The following NPHP1 variants were observed in gnomAD, a reference collection of about 807,000 sequenced individuals.
NPHP1 encodes the protein nephrocystin-1.
Under a neutral mutation model 90.4 loss-of-function variants are expected in NPHP1, and 70 were observed. The ratio of observed to expected loss-of-function variants is 0.77; its 90% CI spans 0.64 to 0.95. The LOEUF (loss-of-function observed/expected upper bound fraction) is 0.95, where lower values mean the gene tolerates loss of function less well. Among genes scored for constraint, NPHP1 ranks in the 40% least tolerant of loss-of-function variants. The pLI, the probability that NPHP1 is intolerant of heterozygous loss-of-function variation, is 0.00. For synonymous variants in NPHP1, 256 were observed against 271.7 expected, an observed-to-expected ratio of 0.94 and a Z score of 0.57; for missense variants, 764 against 795.9, an observed-to-expected ratio of 0.96 and a Z score of 0.48.
intron 11 of NPHP1, among the ~76,000 whole-genome samples, chr2:110,154,992 G>A (rs1162079610): frequency 6.6e-6 from 1 of 152,092 alleles, no homozygotes; most frequent in Non-Finnish European, 1.5e-5. Flanking sequence ...CTTCACAGCA[G>A]CCCCTCCCAT....
intron 2 of NPHP1, 93 bp from the exon 3 acceptor site, chr2:110,179,777 G>A (rs759675354): frequency 4.5e-5 from 29 of 638,500 alleles, no homozygotes; most frequent in Non-Finnish European, 6.9e-5. Flanking sequence ...GAGCAGGCAA[G>A]GCAATTAGCC....
chr2:110,186,039 C>T (rs919576639), intron 2 of NPHP1, among the ~76,000 whole-genome samples: 3 of 152,146 alleles, frequency 2.0e-5, no homozygotes, highest in African/African-American at 4.8e-5. Context: ...TCCTGCCCTG[C>T]CACACTAATG....
chr2:110,161,907 T>C lies in NPHP1; in HGVS notation c.860-210A>G, dbSNP rs189349107. On this transcript the variant is annotated intron_variant, in intron 9 of 19. Transcript: ENST00000445609. ...ACAGATACAAACACATAAAAGATCA[T>C]CTTAAAGCACCTTTAAGAAAGACTT... Among the ~76,000 whole-genome samples the C allele has an allele frequency of 0.011, 1,720 of 152,216 alleles. 35 individuals are homozygous for C. Among genetic ancestry groups the C allele is most frequent in the Non-Finnish European group, 0.012 (831 of 68,006 alleles).
chr2:110,185,067 C>T, intron 2 of NPHP1: 1 of 597,474 alleles, frequency 1.7e-6, no homozygotes. Context: ...AGACTGTATT[C>T]CACGTGGATT....
At chr2:110,170,133 A>G (rs1683019859) in intron 4 of NPHP1, 135 bp from the exon 5 acceptor site, 1 of 1,221,386 alleles carries the variant, frequency 8.2e-7, no homozygotes, top group Admixed American at 1.7e-5. Flanking sequence ...GAAAATACAA[A>G]GAACAGTTTC....
chr2:110,204,062 G>C (rs1485701154), intron 1 of NPHP1, among the ~76,000 whole-genome samples: 1 of 152,126 alleles, frequency 6.6e-6, no homozygotes, highest in African/African-American at 2.4e-5. Flanking sequence ...AAGTAACAAT[G>C]TGATGAATAC....
chr2:110,204,226 G>T (rs767763110), intron 1 of NPHP1, among the ~76,000 whole-genome samples: 9 of 152,162 alleles, frequency 5.9e-5, no homozygotes, highest in Non-Finnish European at 1.3e-4. Context: ...CGGGAGCAGT[G>T]AATGTGCCTG....
Position 110,168,397 on chromosome 2 carries a change from T to C in NPHP1, c.624+55A>G. On this transcript the variant is annotated intron_variant, in intron 6 of 19. Coordinates refer to ENST00000445609, the MANE Select transcript of NPHP1 (RefSeq NM_001128178.3). Reference sequence around the variant, plus strand: ...CAAAAGAACACAGCTAAATGTTTTATTAAAAGCGAAAAAAAAAAAAGTCTT... The same window carrying C: ...CAAAAGAACACAGCTAAATGTTTTACTAAAAGCGAAAAAAAAAAAAGTCTT... The C allele has an allele frequency of 1.4e-5, 15 of 1,095,494 alleles. No individual in the cohort carries two copies. In the South Asian group the frequency reaches 1.6e-4, roughly 11 times the overall value. The allele number at this position is 1,095,494 out of a possible 1,614,324, so 67.9% of individuals were successfully genotyped here.
intron 7 of NPHP1, 126 bp downstream of exon 7, chr2:110,164,926 G>GT: frequency 1.1e-6 from 1 of 892,308 alleles, no homozygotes. Flanking sequence ...GCAGACAATA[G>GT]TATGAAAAGC....
chr2:110,191,694 C>G (rs1026697953), intron 2 of NPHP1, among the ~76,000 whole-genome samples: 2 of 150,600 alleles, frequency 1.3e-5, no homozygotes, highest in Non-Finnish European at 3.0e-5. Context: ...CATCTGAGAA[C>G]GGACAGACTG....
At chr2:110,187,884 T>A (rs1476077515) in intron 2 of NPHP1, among the ~76,000 whole-genome samples, 1 of 150,794 alleles carries the variant, frequency 6.6e-6, no homozygotes, top group Non-Finnish European at 1.5e-5. Flanking sequence ...ATAAATGTGA[T>A]TCATCACATA....
intron 4 of NPHP1, among the ~76,000 whole-genome samples, chr2:110,170,981 TA>T (rs990744374): frequency 2.0e-5 from 3 of 151,970 alleles, no homozygotes; most frequent in African/African-American, 7.3e-5. Flanking sequence ...AAGTCGCCCC[TA>T]AAAATGAGTA....
Position 110,123,947 on chromosome 2 carries a change from A to C in NPHP1, c.1878T>G (p.Thr626=). ...AGTCAGTGATAACTTTCCACCGTGCAGTCTCAGTCTCTTCTTCTGCCCACC... is the reference window on the plus strand; with the variant it reads ...AGTCAGTGATAACTTTCCACCGTGCCGTCTCAGTCTCTTCTTCTGCCCACC... ...PFRWAEEETE[T]ARWKVITDFL... The change falls in exon 20 of 20, where the codon ACT becomes ACG. Residue 626 remains threonine (T), a synonymous_variant. Transcript: ENST00000445609. 1.9e-6 allele frequency: 3 copies of C among 1,614,170 alleles called. No homozygotes were observed. The highest frequency in any genetic ancestry group is 2.5e-6 in the Non-Finnish European group (3 of 1,180,012).
chr2:110,178,400 A>G, intron 4 of NPHP1, 23 bp downstream of exon 4: 1 of 1,612,330 alleles, frequency 6.2e-7, no homozygotes, highest in South Asian at 1.1e-5. Context: ...AAAAGAAAAA[A>G]GAAAGGTAGA....
chr2:110,186,083 G>A (rs942731920), intron 2 of NPHP1, among the ~76,000 whole-genome samples: 1 of 152,076 alleles, frequency 6.6e-6, no homozygotes, highest in African/African-American at 2.4e-5. Context: ...AGCCTCCAGG[G>A]CCCCGCCTCT....
intron 15 of NPHP1, chr2:110,144,024 C>T (rs1447228689): frequency 2.8e-5 from 9 of 325,254 alleles, no homozygotes; most frequent in South Asian, 2.7e-4. Flanking sequence ...AAATGGAATT[C>T]CAAATCTGTC....
chr2:110,133,049 C>T (rs1448268009), intron 16 of NPHP1, among the ~76,000 whole-genome samples: 1 of 151,950 alleles, frequency 6.6e-6, no homozygotes, highest in Non-Finnish European at 1.5e-5. Context: ...AAAAGTAAGT[C>T]CTTCTCTATT....
intron 16 of NPHP1, among the ~76,000 whole-genome samples, chr2:110,133,210 GA>G (rs1276290455): frequency 6.6e-6 from 1 of 151,592 alleles, no homozygotes; most frequent in Non-Finnish European, 1.5e-5. Flanking sequence ...TGAAAGAACA[GA>G]AAAAAAATTT....
chr2:110,155,446 T>G (rs1366414887), intron 11 of NPHP1, among the ~76,000 whole-genome samples: 2 of 152,082 alleles, frequency 1.3e-5, no homozygotes, highest in Non-Finnish European at 2.9e-5. Flanking sequence ...CCCAGAACAG[T>G]AGCTCCACCA....
Sources: gnomAD v4.1 joint callset for allele counts (sites outside exome capture counted in the v4.1 genomes callset) on GRCh38, gnomAD v4.1.1 for gene constraint, MANE v1.5 for transcripts, NCBI Gene and HGNC (gene_info 2026-07-23, HGNC 2026-07-21) for gene names.